Variants in SERGEF observed in about 807,000 individuals in gnomAD.
The protein encoded by SERGEF is secretion regulating guanine nucleotide exchange factor.
Under a neutral mutation model 50.0 loss-of-function variants are expected in SERGEF, and 51 were observed. That is an observed-to-expected ratio of 1.02 (90% CI 0.81 to 1.29). The LOEUF is 1.29. SERGEF is among the 50% of genes most tolerant of loss of function. The pLI is 0.00. For missense variants in SERGEF, 521 were observed against 557.0 expected (o/e 0.94, Z 0.65); for synonymous variants, 205 against 212.4 (o/e 0.97, Z 0.30).
At chr11:17,994,059 A>G (rs1182107439) in intron 6 of SERGEF, among the ~76,000 whole-genome samples, 1 of 152,230 alleles carries the variant, frequency 6.6e-6, no homozygotes, top group Non-Finnish European at 1.5e-5. Flanking sequence ...GAGCAAAATG[A>G]CACACCGCTT....
At chr11:17,931,010 C>A (rs1270217713) in intron 9 of SERGEF, among the ~76,000 whole-genome samples, 2 of 152,110 alleles carry the variant, frequency 1.3e-5, no homozygotes, top group African/African-American at 4.8e-5. Context: ...ATTTCCTGAG[C>A]CTATTTAGTC....
chr11:17,915,917 G>A (rs756768431), intron 9 of SERGEF, among the ~76,000 whole-genome samples: 1 of 152,250 alleles, frequency 6.6e-6, no homozygotes, highest in African/African-American at 2.4e-5. Flanking sequence ...AGGAGCTAAA[G>A]AGTCTGGCCA....
At chr11:17,792,450 C>T (rs1314028238) in intron 10 of SERGEF, among the ~76,000 whole-genome samples, 1 of 152,224 alleles carries the variant, frequency 6.6e-6, no homozygotes, top group Non-Finnish European at 1.5e-5. Flanking sequence ...CAGAGCTGAC[C>T]TACCAGCAGG....
At chr11:17,937,444 T>C (rs1852474552) in intron 9 of SERGEF, among the ~76,000 whole-genome samples, 1 of 151,914 alleles carries the variant, frequency 6.6e-6, no homozygotes, top group Admixed American at 6.6e-5. Flanking sequence ...GGCTGAGGCA[T>C]GAGAATTGCT....
At chr11:17,803,508 A>G (rs1414249778) in intron 10 of SERGEF, among the ~76,000 whole-genome samples, 3 of 152,228 alleles carry the variant, frequency 2.0e-5, no homozygotes, top group African/African-American at 7.2e-5. Flanking sequence ...CACCTACTGT[A>G]TATACCTAAT....
chr11:17,790,158 T>C (rs897618089), intron 10 of SERGEF, among the ~76,000 whole-genome samples: 2 of 152,194 alleles, frequency 1.3e-5, no homozygotes, highest in African/African-American at 4.8e-5. Flanking sequence ...AAAGATACAG[T>C]TTATGCCCCA....
chr11:17,858,417 G>C (rs1021848200), intron 10 of SERGEF, among the ~76,000 whole-genome samples: 1 of 152,122 alleles, frequency 6.6e-6, no homozygotes, highest in African/African-American at 2.4e-5. Context: ...CCGGCATCCT[G>C]CTCCAGAAAG....
At chr11:17,859,193 C>T (rs1025978686) in intron 10 of SERGEF, among the ~76,000 whole-genome samples, 1 of 151,934 alleles carries the variant, frequency 6.6e-6, no homozygotes, top group Admixed American at 6.6e-5. Context: ...AAAACAGAGT[C>T]AAGGCAGAGA....
At chr11:17,795,516 C>G (rs569540747) in intron 10 of SERGEF, among the ~76,000 whole-genome samples, 2 of 152,280 alleles carry the variant, frequency 1.3e-5, no homozygotes, top group African/African-American at 4.8e-5. Context: ...AATTTCCTGT[C>G]TCCACAGCAC....
chr11:17,862,978 T>C (rs968650861), intron 10 of SERGEF, among the ~76,000 whole-genome samples: 9 of 152,330 alleles, frequency 5.9e-5, no homozygotes, highest in African/African-American at 2.2e-4. Flanking sequence ...GCCACATGCA[T>C]ATTAAAAGTT....
chr11:17,974,225 C>T (rs576277934), intron 8 of SERGEF, among the ~76,000 whole-genome samples: 1 of 152,314 alleles, frequency 6.6e-6, no homozygotes, highest in African/African-American at 2.4e-5. Flanking sequence ...AATACAAACA[C>T]CCTCTACTAG....
At chr11:17,916,618 T>C (rs1852052730) in intron 9 of SERGEF, among the ~76,000 whole-genome samples, 1 of 152,202 alleles carries the variant, frequency 6.6e-6, no homozygotes, top group African/African-American at 2.4e-5. Context: ...AGGATTATTA[T>C]CAGAATTAAG....
intron 10 of SERGEF, among the ~76,000 whole-genome samples, chr11:17,823,477 G>T (rs1285264488): frequency 6.6e-6 from 1 of 152,128 alleles, no homozygotes; most frequent in East Asian, 1.9e-4. Context: ...GAGCCTGAAA[G>T]AATAATAAGA....
chr11:17,876,711 A>G (rs547432732), intron 10 of SERGEF, among the ~76,000 whole-genome samples: 2 of 152,190 alleles, frequency 1.3e-5, no homozygotes, highest in Non-Finnish European at 2.9e-5. Context: ...CTTCATCTGG[A>G]TTTTGTGCTT....
chr11:17,825,179 A>G (rs1337746367), intron 10 of SERGEF, among the ~76,000 whole-genome samples: 1 of 152,222 alleles, frequency 6.6e-6, no homozygotes, highest in African/African-American at 2.4e-5. Context: ...TGTGCTGGGG[A>G]CACTAAAGTA....
At chr11:17,891,025 T>A (rs1253772501) in intron 9 of SERGEF, among the ~76,000 whole-genome samples, 1 of 152,168 alleles carries the variant, frequency 6.6e-6, no homozygotes, top group Non-Finnish European at 1.5e-5. Flanking sequence ...AGGCATCTTG[T>A]GGTTTACCAA....
At chr11:17,873,790 A>G (rs1590169827) in intron 10 of SERGEF, among the ~76,000 whole-genome samples, 3 of 152,288 alleles carry the variant, frequency 2.0e-5, no homozygotes, top group African/African-American at 4.8e-5. Context: ...AATCCTTCCA[A>G]GGGTCTGTGT....
rs575167025 is a variant in SERGEF at position 17,919,475 on chromosome 11, T to C, written c.1011+39995A>G. ...GATGGTTACAGAACACAGTAAGTGA[T>C]TGGCAATGTGAGCAGAAAAGGAAGA... On this transcript the variant is annotated intron_variant, in intron 9 of 10. Transcript: ENST00000265965. Among the ~76,000 whole-genome samples the C allele has an allele frequency of 6.6e-5, 10 of 152,182 alleles. No individual in the cohort carries two copies. The South Asian group carries it at 1.9e-3, about 28-fold the overall frequency.
Position 17,864,518 on chromosome 11 carries a change from A to G in SERGEF, c.1048+13690T>C, listed in dbSNP as rs147554538. Among the ~76,000 whole-genome samples, 460 of 152,254 alleles carry G rather than the reference A, an allele frequency of 3.0e-3. 1 individual carries two copies. Among genetic ancestry groups the G allele is most frequent in the African/African-American group, 0.01 (424 of 41,548 alleles). On this transcript the variant is annotated intron_variant, in intron 10 of 10. Transcript: ENST00000265965. ...ATAAGCAAGATTCTGTAAAAAAAAC[A>G]CTCTGTATTTATTGTGAAACATCTT...
Sources: allele counts gnomAD v4.1 joint callset (sites outside exome capture counted in the v4.1 genomes callset), GRCh38; gene constraint gnomAD v4.1.1; transcripts MANE v1.5; gene names NCBI Gene and HGNC (gene_info 2026-07-23, HGNC 2026-07-21).